Variants in ANKFN1 observed in about 807,000 individuals in gnomAD.
ANKFN1 encodes ankyrin repeat and fibronectin type III domain containing 1, also known as ankyrin repeat and fibronectin type-III domain-containing protein 1.
Under a neutral mutation model 108.7 loss-of-function variants are expected in ANKFN1, and 74 were observed. The observed-to-expected ratio is 0.68, with a 90% CI of 0.56 to 0.83. The LOEUF (loss-of-function observed/expected upper bound fraction) is 0.83, where lower values mean the gene tolerates loss of function less well. Ranked by LOEUF, ANKFN1 falls within the 40% of genes least tolerant of loss-of-function variation. ANKFN1 has a pLI of 0.00. For missense variants in ANKFN1, 1,505 were observed against 1,382.3 expected (o/e 1.09, Z -1.41); for synonymous variants, 547 against 516.2 (o/e 1.06, Z -0.81).
intron 3 of ANKFN1, among the ~76,000 whole-genome samples, chr17:56,307,347 C>G (rs1457443572): frequency 1.3e-5 from 2 of 152,128 alleles, no homozygotes; most frequent in Non-Finnish European, 2.9e-5. Flanking sequence ...GGGCTAATAT[C>G]CAGAATCTAC....
At position 56,179,485 on chromosome 17, in the gene ANKFN1, GA is replaced by G. The variant is rs369673192; in HGVS notation, c.-71+25956del. ...CGGAACGCATTTTTTCAAAGTGCTA[GA>G]GGGGGGATAAAAAAACAGGCAAAAA... On this transcript the variant is annotated intron_variant, in intron 1 of 20. Transcript: ENST00000682825. Among the ~76,000 whole-genome samples, 72 of 152,316 alleles carry G rather than the reference GA, an allele frequency of 4.7e-4. 1 individual carries two copies. Among genetic ancestry groups the G allele is most frequent in the African/African-American group, 1.7e-3 (70 of 41,576 alleles).
At chr17:56,482,629 C>T in intron 18 of ANKFN1, 105 bp downstream of exon 18, 1 of 1,374,464 alleles carries the variant, frequency 7.3e-7, no homozygotes, top group South Asian at 1.5e-5. Flanking sequence ...CAATAAATCA[C>T]ATGATGGCTT....
chr17:56,072,044 G>A (rs1410305918), intron 4 of ANKFN1, among the ~76,000 whole-genome samples: 4 of 152,164 alleles, frequency 2.6e-5, no homozygotes. Flanking sequence ...CTGCGCCCTT[G>A]CAATCTTAGT....
At chr17:56,430,360 C>T (rs920267911) in intron 8 of ANKFN1, among the ~76,000 whole-genome samples, 2 of 151,782 alleles carry the variant, frequency 1.3e-5, no homozygotes, top group African/African-American at 2.4e-5. Context: ...TAGCAGTAAC[C>T]GGGGCAGTCG....
At chr17:56,152,245 A>AAT (rs68089845), upstream of ANKFN1, among the ~76,000 whole-genome samples, 11 of 133,816 alleles carry the variant, frequency 8.2e-5, 1 homozygote, top group South Asian at 2.6e-4. Flanking sequence ...CTTGCAGGGA[A>AAT]ATATATATAT....
chr17:56,111,231 A>T (rs1647314364), intron 4 of ANKFN1, among the ~76,000 whole-genome samples: 2 of 152,082 alleles, frequency 1.3e-5, no homozygotes, highest in South Asian at 4.2e-4. Flanking sequence ...GCCCATTCAC[A>T]CCCATGTGCT....
intron 18 of ANKFN1, among the ~76,000 whole-genome samples, chr17:56,491,030 G>A (rs892864799): frequency 6.6e-6 from 1 of 152,116 alleles, no homozygotes; most frequent in African/African-American, 2.4e-5. Flanking sequence ...CTTCCTCATT[G>A]AGGTGTAGAG....
At chr17:56,184,727 C>G (rs200642819) in intron 1 of ANKFN1, 1 of 152,182 alleles carries the variant, frequency 6.6e-6, no homozygotes, top group South Asian at 2.1e-4. Flanking sequence ...TCATCATTCT[C>G]GTGATCTCAT....
intron 4 of ANKFN1, among the ~76,000 whole-genome samples, chr17:56,105,253 G>A (rs1905722851): frequency 6.6e-6 from 1 of 152,138 alleles, no homozygotes; most frequent in African/African-American, 2.4e-5. Context: ...AGGGATTGAT[G>A]AGTGACTGGT....
chr17:56,456,390 T>C (rs2049695167), intron 11 of ANKFN1, among the ~76,000 whole-genome samples: 1 of 133,464 alleles, frequency 7.5e-6, no homozygotes, highest in African/African-American at 2.8e-5. Context: ...TACCAGAGCT[T>C]CTTTTTTTCT....
chr17:56,321,334 C>T (rs181207187), intron 3 of ANKFN1, among the ~76,000 whole-genome samples: 10 of 152,062 alleles, frequency 6.6e-5, no homozygotes, highest in African/African-American at 2.2e-4. Context: ...TGAGCAGCCT[C>T]GCCCTAAGGA....
At chr17:56,151,713 T>G (rs1014638071), upstream of ANKFN1, among the ~76,000 whole-genome samples, 20 of 152,214 alleles carry the variant, frequency 1.3e-4, no homozygotes, top group African/African-American at 4.8e-4. Context: ...GAGCTGGTTT[T>G]TATCCATTAA....
chr17:56,347,524 T>A (rs1027312421), intron 4 of ANKFN1, among the ~76,000 whole-genome samples: 3 of 152,060 alleles, frequency 2.0e-5, no homozygotes, highest in Admixed American at 6.6e-5. Flanking sequence ...AAACTAAAGC[T>A]ACACTGATTC....
At chr17:56,486,153 AGCC>A in intron 18 of ANKFN1, among the ~76,000 whole-genome samples, 1 of 152,326 alleles carries the variant, frequency 6.6e-6, no homozygotes. Flanking sequence ...CATAGATCAA[AGCC>A]TGACTTTAAG....
At chr17:56,415,907 C>A (rs997291680) in intron 8 of ANKFN1, among the ~76,000 whole-genome samples, 1 of 152,008 alleles carries the variant, frequency 6.6e-6, no homozygotes, top group Non-Finnish European at 1.5e-5. Context: ...AGAAACAAAT[C>A]GATACACCTA....
intron 4 of ANKFN1, among the ~76,000 whole-genome samples, chr17:56,088,738 C>A (rs1230650712): frequency 6.6e-6 from 1 of 151,254 alleles, no homozygotes; most frequent in African/African-American, 2.4e-5. Context: ...ACACACTTCC[C>A]ACCTTAAGAT....
At chr17:56,429,330 C>G (rs2048677359) in intron 8 of ANKFN1, among the ~76,000 whole-genome samples, 2 of 152,076 alleles carry the variant, frequency 1.3e-5, no homozygotes, top group Admixed American at 1.3e-4. Flanking sequence ...CAAGCAAGAC[C>G]CAGATCATGA....
At chr17:56,434,378 C>A (rs1253666542) in intron 8 of ANKFN1, among the ~76,000 whole-genome samples, 148 of 127,244 alleles carry the variant, frequency 1.2e-3, no homozygotes, top group Middle Eastern at 3.9e-3. Context: ...TTTCTAGTGT[C>A]AAAAAAAAAA....
intron 3 of ANKFN1, among the ~76,000 whole-genome samples, chr17:56,237,310 T>C (rs1917226633): frequency 6.6e-6 from 1 of 152,168 alleles, no homozygotes; most frequent in Non-Finnish European, 1.5e-5. Context: ...CCTCTTCAAT[T>C]TTTGGAACAG....
Sources: allele counts gnomAD v4.1 joint callset (sites outside exome capture counted in the v4.1 genomes callset), GRCh38; gene constraint gnomAD v4.1.1; transcripts MANE v1.5; gene names NCBI Gene and HGNC (gene_info 2026-07-23, HGNC 2026-07-21).